Variants in WASL observed in about 807,000 individuals in gnomAD.
WASL encodes the protein actin nucleation-promoting factor WASL.
In WASL, 20 loss-of-function variants were observed where a neutral mutation model predicts 55.5. That is an observed-to-expected ratio of 0.36 (90% CI 0.25 to 0.52). The LOEUF is 0.52. WASL is among the 20% of genes least tolerant of loss of function. The pLI, the probability that WASL is intolerant of heterozygous loss-of-function variation, is 0.92. For synonymous variants in WASL, 249 were observed against 217.6 expected (o/e 1.14, Z -1.27); for missense variants, 504 against 622.5 (o/e 0.81, Z 2.03).
Position 123,748,896 on chromosome 7 carries a change from G to T in WASL, c.-162C>A. ...AGGAGGACGAGGTCGAGGGAAGCAG[G>T]CGCTGACGGCGAGCCACCTTCGCGC... On this transcript the variant is annotated 5_prime_UTR_variant, in exon 1 of 11. Coordinates refer to ENST00000223023, the MANE Select transcript of WASL (RefSeq NM_003941.4). 1.6e-6 allele frequency: 1 copy of T among 608,076 alleles called. No homozygotes were observed. Among genetic ancestry groups the T allele is most frequent in the South Asian group, 2.0e-5 (1 of 48,856 alleles). 37.7% of individuals were successfully genotyped at this position (608,076 alleles called of 1,614,324 possible). A position where few individuals can be genotyped will look rare whatever the true frequency, so the allele number is the denominator to read the frequency against.
At chr7:123,747,147 T>C (rs1311352285) in intron 1 of WASL, among the ~76,000 whole-genome samples, 1 of 152,226 alleles carries the variant, frequency 6.6e-6, no homozygotes, top group Non-Finnish European at 1.5e-5. Context: ...AACAACATGA[T>C]GTAGTGCAAA....
chr7:123,712,639 G>A (rs937594708), intron 1 of WASL, among the ~76,000 whole-genome samples: 2 of 152,076 alleles, frequency 1.3e-5, no homozygotes, highest in East Asian at 1.9e-4. Flanking sequence ...TAACAAGCAC[G>A]AATGATTCAT....
At chr7:123,695,964 T>C in intron 6 of WASL, 99 bp from the exon 7 acceptor site, 1 of 1,204,476 alleles carries the variant, frequency 8.3e-7, no homozygotes, top group Non-Finnish European at 1.2e-6. Flanking sequence ...GCTTTGAATT[T>C]TTGGTCTGAA....
chr7:123,748,802 C>T lies in WASL; in HGVS notation c.-68G>A, dbSNP rs549820822. Reference sequence around the variant, plus strand: ...GCGAGTGGGCGAGAGCTCGTTCCCCCTCTCGGTGACAGGGGCGGGGAGAAG... The same window carrying T: ...GCGAGTGGGCGAGAGCTCGTTCCCCTTCTCGGTGACAGGGGCGGGGAGAAG... On this transcript the variant is annotated 5_prime_UTR_variant, in exon 1 of 11. Coordinates refer to ENST00000223023, the MANE Select transcript of WASL (RefSeq NM_003941.4). 4.2e-5 allele frequency: 56 copies of T among 1,328,306 alleles called. No individual in the cohort carries two copies. The highest frequency in any genetic ancestry group is 7.5e-5 in the Admixed American group (3 of 40,214). 82.3% of individuals were successfully genotyped at this position (1,328,306 alleles called of 1,614,324 possible). A position where few individuals can be genotyped will look rare whatever the true frequency, so the allele number is the denominator to read the frequency against.
chr7:123,734,999 A>G (rs534677667), intron 1 of WASL, among the ~76,000 whole-genome samples: 1 of 152,106 alleles, frequency 6.6e-6, no homozygotes, highest in Non-Finnish European at 1.5e-5. Flanking sequence ...AATGCATGCC[A>G]GCTACCTATA....
At chr7:123,695,004 A>G (rs1181014345) in intron 7 of WASL, 136 bp from the exon 8 acceptor site, 12 of 839,616 alleles carry the variant, frequency 1.4e-5, no homozygotes, top group Non-Finnish European at 2.1e-5. Context: ...TGCTAACTAA[A>G]ATATTTTATT....
At chr7:123,701,696 C>T (rs1156479359) in intron 5 of WASL, among the ~76,000 whole-genome samples, 1 of 152,216 alleles carries the variant, frequency 6.6e-6, no homozygotes, top group Non-Finnish European at 1.5e-5. Context: ...CAGGGGCCCA[C>T]TGCCACCTAG....
At chr7:123,748,018 G>C (rs1804465862) in intron 1 of WASL, among the ~76,000 whole-genome samples, 1 of 151,970 alleles carries the variant, frequency 6.6e-6, no homozygotes, top group South Asian at 2.1e-4. Flanking sequence ...GTAGAAACCA[G>C]GCCTAGGCAA....
intron 1 of WASL, among the ~76,000 whole-genome samples, chr7:123,718,102 T>C (rs1342431016): frequency 6.6e-6 from 1 of 151,094 alleles, no homozygotes; most frequent in East Asian, 2.0e-4. Context: ...TGTTAATTAA[T>C]AATAAACACA....
intron 1 of WASL, among the ~76,000 whole-genome samples, chr7:123,738,520 G>A (rs1804276115): frequency 6.6e-6 from 1 of 152,178 alleles, no homozygotes; most frequent in Non-Finnish European, 1.5e-5. Flanking sequence ...TTTATAGTAT[G>A]AGGTTTTGTT....
intron 1 of WASL, among the ~76,000 whole-genome samples, chr7:123,736,298 TCTC>T (rs142071173): frequency 0.14 from 21,748 of 151,906 alleles, 2,100 homozygotes; most frequent in Middle Eastern, 0.27. Context: ...AAAAAATACT[TCTC>T]CTTCTCACTG....
chr7:123,748,512 C>A, intron 1 of WASL, 106 bp downstream of exon 1: 1 of 1,238,372 alleles, frequency 8.1e-7, no homozygotes. Context: ...GGCGGGAGGC[C>A]TGGCCCGCGC....
intron 1 of WASL, among the ~76,000 whole-genome samples, chr7:123,739,876 ATGTGTGTGTGTGTGTGTGTGTGTG>A (rs745649691): frequency 2.6e-5 from 3 of 115,530 alleles, no homozygotes; most frequent in African/African-American, 9.4e-5. Flanking sequence ...ACATTTATAT[ATGTGTGTGTGTGTGTGTGTGTGTG>A]TGTGTGTGTG....
At chr7:123,702,456 A>C (rs996490675) in intron 5 of WASL, among the ~76,000 whole-genome samples, 1 of 152,204 alleles carries the variant, frequency 6.6e-6, no homozygotes, top group Non-Finnish European at 1.5e-5. Context: ...CTATTCATGG[A>C]AACTAGATGC....
chr7:123,719,228 T>C (rs1803895697), intron 1 of WASL, among the ~76,000 whole-genome samples: 1 of 152,210 alleles, frequency 6.6e-6, no homozygotes, highest in South Asian at 2.1e-4. Flanking sequence ...ATGTTTCTGA[T>C]CATAAAAAGA....
rs765021597 is a variant in WASL, at chr7:123,709,223, T to G, written c.118A>C (p.Thr40Pro). 6.3e-7 allele frequency: 1 copy of G among 1,599,952 alleles called. No homozygotes were observed. Among genetic ancestry groups the G allele is most frequent in the Non-Finnish European group, 8.5e-7 (1 of 1,173,498 alleles). Residue 40 changes from threonine (T) to proline (P), a missense_variant and splice_region_variant, in exon 2 of 11, where the codon ACT (threonine) becomes CCT (proline). By Grantham distance (38) the Thr-to-Pro change is conservative (BLOSUM62 -1). Transcript: ENST00000223023. ...AACTGCACCACTGCTGAAGACATAG[T>G]CTGCAAAATATAAAATTTATAACCA... ...LFTFLGKKCV[T>P]MSSAVVQLYA...
chr7:123,731,816 T>C (rs977692600), intron 1 of WASL, among the ~76,000 whole-genome samples: 5 of 151,830 alleles, frequency 3.3e-5, no homozygotes, highest in African/African-American at 1.2e-4. Flanking sequence ...AGAAAAAGGA[T>C]TTAAAATCAA....
At chr7:123,703,981 G>A (rs1803629361) in intron 5 of WASL, among the ~76,000 whole-genome samples, 1 of 152,098 alleles carries the variant, frequency 6.6e-6, no homozygotes, top group Non-Finnish European at 1.5e-5. Context: ...AGTTTATGAA[G>A]TCTAGAGTAA....
chr7:123,695,891 A>T, intron 6 of WASL, 26 bp from the exon 7 acceptor site: 1 of 1,609,490 alleles, frequency 6.2e-7, no homozygotes, highest in Non-Finnish European at 8.5e-7. Flanking sequence ...GAAAAAAAAT[A>T]GAAAAACAAA....
Sources: allele counts gnomAD v4.1 joint callset (sites outside exome capture counted in the v4.1 genomes callset), GRCh38; gene constraint gnomAD v4.1.1; transcripts MANE v1.5; gene names NCBI Gene and HGNC (gene_info 2026-07-23, HGNC 2026-07-21).